The following PKD1L1 variants were observed in gnomAD, a reference collection of about 807,000 sequenced individuals.
PKD1L1 encodes the protein polycystin-1-like protein 1.
A neutral mutation model predicts 323.4 loss-of-function variants in PKD1L1; 236 were observed. That is an observed-to-expected ratio of 0.73 (90% CI 0.66 to 0.81). The LOEUF is 0.81. Among genes scored for constraint, PKD1L1 ranks in the 40% least tolerant of loss-of-function variants. PKD1L1 has a pLI of 0.00. For missense variants in PKD1L1, 3,320 were observed against 3,508.0 expected (o/e 0.95, Z 1.35); for synonymous variants, 1,344 against 1,335.0 (o/e 1.01, Z -0.15).
At position 47,808,463 on chromosome 7, in the gene PKD1L1, T is replaced by A. The variant is rs1322214508; in HGVS notation, c.7687-76A>T. 3.8e-6 allele frequency: 6 copies of A among 1,562,860 alleles called. No homozygotes were observed. The African/African-American group carries it at 8.1e-5, about 21-fold the overall frequency. ...CCTGGCACCCCATGTGACACGCGTT[T>A]GTAAGTTACAGTCATGAGTCACTTA... On this transcript the variant is annotated intron_variant, in intron 51 of 56. Transcript: ENST00000289672.
intron 32 of PKD1L1, among the ~76,000 whole-genome samples, chr7:47,845,886 T>C (rs931759345): frequency 6.6e-6 from 1 of 151,848 alleles, no homozygotes; most frequent in Non-Finnish European, 1.5e-5. Context: ...TGGCCTGTTA[T>C]TCATTTTTGT....
At chr7:47,795,896 C>T in intron 55 of PKD1L1, 93 bp downstream of exon 55, 2 of 1,413,340 alleles carry the variant, frequency 1.4e-6, no homozygotes, top group South Asian at 1.3e-5. Flanking sequence ...GAAACATACT[C>T]ATGCTTTGAT....
intron 7 of PKD1L1, among the ~76,000 whole-genome samples, chr7:47,918,888 A>C (rs1787482306): frequency 6.6e-6 from 1 of 152,212 alleles, no homozygotes; most frequent in Non-Finnish European, 1.5e-5. Context: ...TGGAAATTTC[A>C]TAGCCCTAAA....
chr7:47,874,155 G>C (rs75840264), intron 23 of PKD1L1, 145 bp from the exon 24 acceptor site: 7,525 of 597,696 alleles, frequency 0.013, 410 homozygotes, highest in African/African-American at 0.12. Context: ...AGGGAGCCCA[G>C]GGAGTGAAAT....
chr7:47,815,551 T>C (rs756610694), intron 46 of PKD1L1, 94 bp from the exon 47 acceptor site: 51 of 1,413,482 alleles, frequency 3.6e-5, no homozygotes, highest in Non-Finnish European at 4.8e-5. Flanking sequence ...AATTTTTCTC[T>C]CATTCAGATT....
chr7:47,937,572 G>A (rs1440069885), intron 3 of PKD1L1, among the ~76,000 whole-genome samples: 1 of 152,214 alleles, frequency 6.6e-6, no homozygotes, highest in Non-Finnish European at 1.5e-5. Context: ...AAGCAACAGT[G>A]TGGTTGCGGT....
intron 3 of PKD1L1, among the ~76,000 whole-genome samples, chr7:47,938,016 G>A (rs1562999164): frequency 6.6e-6 from 1 of 152,076 alleles, no homozygotes; most frequent in Admixed American, 6.5e-5. Context: ...TACACAGGAC[G>A]CCTGTCCAGA....
chr7:47,813,835 G>C, intron 48 of PKD1L1, 96 bp downstream of exon 48: 1 of 1,045,590 alleles, frequency 9.6e-7, no homozygotes, highest in Non-Finnish European at 1.5e-6. Context: ...AACTCACAGA[G>C]AAGTTCAAAT....
At chr7:47,807,871 GC>G (rs1166743686) in intron 52 of PKD1L1, among the ~76,000 whole-genome samples, 1 of 152,178 alleles carries the variant, frequency 6.6e-6, no homozygotes, top group African/African-American at 2.4e-5. Context: ...GGCTAATACT[GC>G]CTGCATTTAT....
rs773946343 is a variant in PKD1L1 at position 47,931,073 on chromosome 7, G to C, written c.737+31C>G. 3.1e-6 allele frequency: 5 copies of C among 1,593,026 alleles called. No homozygotes were observed. In the South Asian group the frequency reaches 4.4e-5, roughly 14 times the overall value. ...GTTCCAGACTGGGGATTGGAGAAGT[G>C]GTGCTGGCCTCCATACCTCCTTCAC... On this transcript the variant is annotated intron_variant, in intron 6 of 56. Coordinates refer to ENST00000289672, the MANE Select transcript of PKD1L1 (RefSeq NM_138295.5).
intron 7 of PKD1L1, among the ~76,000 whole-genome samples, chr7:47,922,858 C>T (rs925822136): frequency 4.6e-5 from 7 of 152,194 alleles, no homozygotes; most frequent in African/African-American, 9.7e-5. Context: ...TCATTGAGAA[C>T]GGGCCATGAT....
intron 21 of PKD1L1, among the ~76,000 whole-genome samples, chr7:47,880,278 A>AT (rs1562970489): frequency 2.7e-5 from 2 of 73,630 alleles, no homozygotes; most frequent in East Asian, 3.2e-4. Context: ...ATATATATAT[A>AT]TATATATTTT....
At chr7:47,875,515 C>A (rs1049086929) in intron 23 of PKD1L1, among the ~76,000 whole-genome samples, 1 of 152,160 alleles carries the variant, frequency 6.6e-6, no homozygotes, top group African/African-American at 2.4e-5. Context: ...ATTTAACCAG[C>A]CTGGGTTTGC....
At chr7:47,888,685 G>A (rs945334780) in intron 16 of PKD1L1, among the ~76,000 whole-genome samples, 1 of 152,212 alleles carries the variant, frequency 6.6e-6, no homozygotes, top group Non-Finnish European at 1.5e-5. Flanking sequence ...CCTCTTCCCT[G>A]TGCAGGGTTG....
intron 36 of PKD1L1, 43 bp from the exon 37 acceptor site, chr7:47,837,137 T>C: frequency 1.2e-6 from 2 of 1,602,354 alleles, no homozygotes; most frequent in Non-Finnish European, 1.7e-6. Context: ...CATGGAGCAT[T>C]TCTGTCAGCA....
rs371109435 is a variant in PKD1L1, at chr7:47,803,294, G to A, written c.7878C>T (p.Cys2626=). The A allele has an allele frequency of 7.7e-5, 125 of 1,613,978 alleles. No individual in the cohort carries two copies. In the East Asian group the frequency reaches 8.0e-4, roughly 10 times the overall value. ...TGTTTTGAATGCCAGGAAGATAGAC[G>A]CATTTTAATGTGAAGAGGAATAAGA... is the stretch of plus-strand genomic sequence containing the variant. ...GILLFLFTLK[C]VYLPGIQNTM... is the part of the protein sequence containing the mutation. Residue 2626 remains cysteine (C), a synonymous_variant, in exon 53 of 57, where the codon TGC becomes TGT. Coordinates refer to ENST00000289672, the MANE Select transcript of PKD1L1 (RefSeq NM_138295.5).
At chr7:47,908,569 T>C (rs1787256505) in intron 8 of PKD1L1, among the ~76,000 whole-genome samples, 1 of 152,184 alleles carries the variant, frequency 6.6e-6, no homozygotes, top group Admixed American at 6.5e-5. Flanking sequence ...TCCTCTGCAG[T>C]AGGAAATATT....
At chr7:47,950,330 T>A (rs1384404093), upstream of PKD1L1, among the ~76,000 whole-genome samples, 1 of 152,012 alleles carries the variant, frequency 6.6e-6, no homozygotes, top group Non-Finnish European at 1.5e-5. Context: ...ACATTTAAAG[T>A]TTGTGATGTT....
At chr7:47,848,822 T>A (rs990753850) in intron 31 of PKD1L1, among the ~76,000 whole-genome samples, 4 of 151,656 alleles carry the variant, frequency 2.6e-5, no homozygotes, top group African/African-American at 9.7e-5. Context: ...AAAAAAAAAA[T>A]TATAATCATT....
Sources: allele counts gnomAD v4.1 joint callset (sites outside exome capture counted in the v4.1 genomes callset), GRCh38; gene constraint gnomAD v4.1.1; transcripts MANE v1.5; gene names NCBI Gene and HGNC (gene_info 2026-07-23, HGNC 2026-07-21).